Variants in HEATR5A observed in about 807,000 individuals in gnomAD.
HEATR5A encodes HEAT repeat-containing protein 5A.
Under a neutral mutation model 218.8 loss-of-function variants are expected in HEATR5A, and 178 were observed. The ratio of observed to expected loss-of-function variants is 0.81; its 90% CI spans 0.72 to 0.92. The LOEUF (loss-of-function observed/expected upper bound fraction) is 0.92, where lower values mean the gene tolerates loss of function less well. HEATR5A is among the 40% of genes least tolerant of loss of function. HEATR5A has a pLI of 0.00. For synonymous variants in HEATR5A, 864 were observed against 871.6 expected, an observed-to-expected ratio of 0.99 and a Z score of 0.15; for missense variants, 2,420 against 2,418.9, an observed-to-expected ratio of 1.00 and a Z score of -0.01.
intron 13 of HEATR5A, among the ~76,000 whole-genome samples, chr14:31,364,718 C>T (rs1261550247): frequency 6.6e-6 from 1 of 152,176 alleles, no homozygotes; most frequent in Admixed American, 6.5e-5. Flanking sequence ...GCCACCACAC[C>T]TGGCCACAAA....
chr14:31,382,997 C>A (rs1247167587), intron 10 of HEATR5A, among the ~76,000 whole-genome samples: 8 of 151,892 alleles, frequency 5.3e-5, no homozygotes, highest in African/African-American at 1.9e-4. Context: ...GTCCTGATTC[C>A]TTTTTGGTTG....
intron 13 of HEATR5A, among the ~76,000 whole-genome samples, chr14:31,368,536 A>T (rs552543477): frequency 1.2e-4 from 19 of 152,126 alleles, no homozygotes; most frequent in African/African-American, 4.6e-4. Flanking sequence ...AGTAAGGAAG[A>T]CTTCTTTTTT....
At chr14:31,332,901 G>A (rs1026975022) in intron 22 of HEATR5A, among the ~76,000 whole-genome samples, 1 of 151,464 alleles carries the variant, frequency 6.6e-6, no homozygotes, top group African/African-American at 2.4e-5. Context: ...CAGAAGACTC[G>A]CTTGAACCCG....
At chr14:31,362,742 C>T (rs1412796588) in intron 14 of HEATR5A, among the ~76,000 whole-genome samples, 1 of 149,756 alleles carries the variant, frequency 6.7e-6, no homozygotes, top group Non-Finnish European at 1.5e-5. Flanking sequence ...CACACAACTG[C>T]ACTCCAGCCT....
chr14:31,310,981 C>CT (rs1468544513), intron 28 of HEATR5A, among the ~76,000 whole-genome samples: 2 of 152,120 alleles, frequency 1.3e-5, no homozygotes, highest in Admixed American at 1.3e-4. Context: ...AGTCATTGTA[C>CT]TCCAGCCTGG....
intron 21 of HEATR5A, among the ~76,000 whole-genome samples, chr14:31,338,807 A>G (rs1186155404): frequency 1.3e-5 from 2 of 152,150 alleles, no homozygotes; most frequent in East Asian, 1.9e-4. Context: ...GGTAGGTAGT[A>G]GGAGCTATTA....
rs528258875 is a variant in HEATR5A, at chr14:31,414,597, G to T, written c.-75+5875C>A. ...CCAGCACATCAGGGTTTACAGGAGA[G>T]GCCAGAAATTCTTGCCCCCTTTTAA... is the stretch of plus-strand genomic sequence containing the variant. On this transcript the variant is annotated intron_variant, in intron 1 of 35. Coordinates refer to ENST00000543095, the MANE Select transcript of HEATR5A (RefSeq NM_015473.4). Among the ~76,000 whole-genome samples, 9 of 152,274 alleles carry T rather than the reference G, an allele frequency of 5.9e-5. 1 individual carries two copies. The South Asian group carries it at 1.9e-3, about 32-fold the overall frequency.
intron 14 of HEATR5A, 144 bp from the exon 15 acceptor site, chr14:31,359,201 A>T (rs1901528415): frequency 1.3e-6 from 1 of 774,180 alleles, no homozygotes; most frequent in African/African-American, 1.8e-5. Flanking sequence ...CATCCTTGAA[A>T]ACTGCCCTAG....
intron 26 of HEATR5A, 114 bp downstream of exon 26, chr14:31,318,110 G>A (rs1899969621): frequency 1.2e-6 from 1 of 814,820 alleles, no homozygotes. Flanking sequence ...GAAGAAAAGT[G>A]TAAGCTATGA....
Position 31,395,272 on chromosome 14 carries a change from T to C in HEATR5A, c.524A>G (p.His175Arg), listed in dbSNP as rs751846535. 2 of 1,532,336 alleles carry C rather than the reference T, an allele frequency of 1.3e-6. No homozygotes were observed. The highest frequency in any genetic ancestry group is 1.7e-6 in the Non-Finnish European group (2 of 1,143,602). 94.9% of individuals were successfully genotyped at this position (1,532,336 alleles called of 1,614,324 possible). Residue 175 changes from histidine to arginine, a missense_variant, in exon 5 of 36, where the codon CAC becomes CGC. Coordinates refer to ENST00000543095, the MANE Select transcript of HEATR5A (RefSeq NM_015473.4). ...NGLGAAAAPC[H>R]RDVYKAARSC... Reference sequence around the variant, plus strand: ...TCTAGCAGCTTTATAAACATCCCTGTGACAAGGTGCAGCGGCAGCTCCTAG... The same window carrying C: ...TCTAGCAGCTTTATAAACATCCCTGCGACAAGGTGCAGCGGCAGCTCCTAG...
At chr14:31,301,157 A>G (rs1210222914) in intron 33 of HEATR5A, among the ~76,000 whole-genome samples, 2 of 152,232 alleles carry the variant, frequency 1.3e-5, no homozygotes, top group Admixed American at 1.3e-4. Flanking sequence ...GAAGGCAGGG[A>G]AAATGCATAC....
At chr14:31,308,569 C>T (rs1362948308) in intron 29 of HEATR5A, among the ~76,000 whole-genome samples, 2 of 146,384 alleles carry the variant, frequency 1.4e-5, no homozygotes, top group East Asian at 4.0e-4. Flanking sequence ...TGCTATGAAA[C>T]AGTTCAAAGC....
At chr14:31,384,826 T>C (rs1177613180) in intron 9 of HEATR5A, among the ~76,000 whole-genome samples, 1 of 152,038 alleles carries the variant, frequency 6.6e-6, no homozygotes, top group Non-Finnish European at 1.5e-5. Flanking sequence ...ATGCCCAGCC[T>C]ACATAATTAA....
intron 22 of HEATR5A, among the ~76,000 whole-genome samples, chr14:31,326,545 T>A (rs1029790650): frequency 5.3e-5 from 8 of 152,246 alleles, no homozygotes; most frequent in Admixed American, 2.0e-4. Context: ...CAGTATTTTA[T>A]GTAATGTCAC....
At chr14:31,402,747 T>C (rs543982429) in intron 2 of HEATR5A, 103 bp downstream of exon 2, 6 of 1,098,356 alleles carry the variant, frequency 5.5e-6, no homozygotes, top group Non-Finnish European at 7.6e-6. Context: ...AGTCTAACAT[T>C]GTAAAGCTAA....
At chr14:31,409,991 G>A (rs2031218343) in intron 1 of HEATR5A, among the ~76,000 whole-genome samples, 1 of 152,068 alleles carries the variant, frequency 6.6e-6, no homozygotes, top group Non-Finnish European at 1.5e-5. Flanking sequence ...TTTCAAGGGC[G>A]GAAAAGGGAA....
chr14:31,324,876 C>A (rs1414442440), intron 23 of HEATR5A, among the ~76,000 whole-genome samples: 1 of 152,030 alleles, frequency 6.6e-6, no homozygotes, highest in African/African-American at 2.4e-5. Context: ...CCAGTGTAAA[C>A]CATTGGAAGA....
chr14:31,351,037 T>C (rs1037894440), intron 16 of HEATR5A, among the ~76,000 whole-genome samples: 2 of 152,176 alleles, frequency 1.3e-5, no homozygotes, highest in African/African-American at 4.8e-5. Flanking sequence ...CACCTTGGCC[T>C]CCCAAAGTGC....
At chr14:31,380,059 T>C (rs1008250498) in intron 11 of HEATR5A, among the ~76,000 whole-genome samples, 6 of 152,228 alleles carry the variant, frequency 3.9e-5, no homozygotes, top group African/African-American at 7.2e-5. Context: ...AGCAACCTTA[T>C]TGGCTGTTAT....
Sources: allele counts gnomAD v4.1 joint callset (sites outside exome capture counted in the v4.1 genomes callset), GRCh38; gene constraint gnomAD v4.1.1; transcripts MANE v1.5; gene names NCBI Gene and HGNC (gene_info 2026-07-23, HGNC 2026-07-21).